The following OXGR1 variants were observed in gnomAD, a reference collection of about 807,000 sequenced individuals.
OXGR1 encodes oxoglutarate receptor 1.
A neutral mutation model predicts 10.0 loss-of-function variants in OXGR1; 10 were observed. The observed-to-expected ratio is 1.00, with a 90% CI of 0.62 to 1.70. OXGR1 has a LOEUF of 1.70. Among genes scored for constraint, OXGR1 ranks in the 40% most tolerant of loss-of-function variants. The pLI is 0.00. For missense variants in OXGR1, 398 were observed against 407.6 expected, an observed-to-expected ratio of 0.98 and a Z score of 0.20; for synonymous variants, 191 against 155.9, an observed-to-expected ratio of 1.22 and a Z score of -1.68.
At chr13:96,987,943 C>T (rs1039310449) in intron 3 of OXGR1, 110 bp from the exon 4 acceptor site, 3 of 673,748 alleles carry the variant, frequency 4.5e-6, no homozygotes, top group Non-Finnish European at 6.8e-6. Context: ...TCTCTTTAAT[C>T]TCAAAAGAGA....
At chr13:96,994,047 T>C (rs1321543123) in intron 1 of OXGR1, among the ~76,000 whole-genome samples, 1 of 152,164 alleles carries the variant, frequency 6.6e-6, no homozygotes, top group Non-Finnish European at 1.5e-5. Context: ...AAGTCAAATG[T>C]CTTCTCGCCC....
rs145902383 is a variant in OXGR1, at chr13:96,990,902, T to C, written c.-126-1093A>G. 9.7e-3 allele frequency among the ~76,000 whole-genome samples: 1,316 copies of C among 136,104 alleles called. 7 individuals carry two copies. The highest frequency in any genetic ancestry group is 0.05 in the Middle Eastern group (11 of 218). 89.3% of individuals were successfully genotyped at this position (136,104 alleles called of 152,430 possible). A position where few individuals can be genotyped will look rare whatever the true frequency, so the allele number is the denominator to read the frequency against. On this transcript the variant is annotated intron_variant, in intron 2 of 3. Transcript: ENST00000541038. ...AGGTGTAGGCTGCAGTAAGCCGAGA[T>C]TGAGCCACTGTACTACAGCCTGAGT...
chr13:96,988,420 C>A (rs966965187), intron 3 of OXGR1, among the ~76,000 whole-genome samples: 1 of 152,112 alleles, frequency 6.6e-6, no homozygotes. Flanking sequence ...GTCATGATTG[C>A]CGTAAATAAC....
chr13:96,993,146 C>A (rs1158661581), intron 1 of OXGR1, among the ~76,000 whole-genome samples: 1 of 152,162 alleles, frequency 6.6e-6, no homozygotes. Context: ...AATCTTTCTC[C>A]CCAACCCTTC....
rs1260719827 is a variant in OXGR1, at chr13:96,987,318, G to T, written c.442C>A (p.Arg148=). 1 of 1,614,194 alleles carries T rather than the reference G, an allele frequency of 6.2e-7. No homozygotes were observed. The highest frequency in any genetic ancestry group is 8.5e-7 in the Non-Finnish European group (1 of 1,180,044). Residue 148 remains arginine, a synonymous_variant, in exon 4 of 4, where the codon CGA becomes AGA. Transcript: ENST00000541038. ...PMSCFSIHKT[R]CAVVACAVVW... ...ACAGCACAGGCTACAACTGCACATC[G>T]AGTTTTGTGAATGGAAAAGCAGCTC...
Position 96,986,140 on chromosome 13 carries a change from A to G in OXGR1, c.*606T>C, listed in dbSNP as rs1881724527. On this transcript the variant is annotated 3_prime_UTR_variant, in exon 4 of 4. Coordinates refer to ENST00000541038, the MANE Select transcript of OXGR1 (RefSeq NM_001346194.2). Reference sequence around the variant, plus strand: ...TATATTGCAGGTACTAATTTCAACTATTTGCATGGACGTCCTTGGATTATT... The same window carrying G: ...TATATTGCAGGTACTAATTTCAACTGTTTGCATGGACGTCCTTGGATTATT... 6.6e-6 allele frequency: 1 copy of G among 152,250 alleles called. No individual in the cohort carries two copies. Among genetic ancestry groups the G allele is most frequent in the Non-Finnish European group, 1.5e-5 (1 of 68,068 alleles). 9.4% of individuals were successfully genotyped at this position (152,250 alleles called of 1,614,324 possible).
At position 96,989,811 on chromosome 13, in the gene OXGR1, T is replaced by G. The variant is rs1335041922; in HGVS notation, c.-126-2A>C. ...TTGTTGATTTTCATCAGGATTACCC[T>G]AAATAATAGAGGGAAAAACAAGTGT... is the stretch of plus-strand genomic sequence containing the variant. On this transcript the variant is annotated splice_acceptor_variant, in intron 2 of 3. Transcript: ENST00000541038. LOFTEE classifies it low-confidence loss of function (5UTR_SPLICE). 2 of 152,100 alleles carry G rather than the reference T, an allele frequency of 1.3e-5. No homozygotes were observed. Among genetic ancestry groups the G allele is most frequent in the African/African-American group, 4.8e-5 (2 of 41,400 alleles). 9.4% of individuals were successfully genotyped at this position (152,100 alleles called of 1,614,324 possible). A position where few individuals can be genotyped will look rare whatever the true frequency, so the allele number is the denominator to read the frequency against.
At chr13:96,989,366 A>G (rs1881939829) in intron 3 of OXGR1, among the ~76,000 whole-genome samples, 2 of 152,334 alleles carry the variant, frequency 1.3e-5, no homozygotes, top group South Asian at 2.1e-4. Flanking sequence ...ACTCTTCCAA[A>G]TCTCACTTAG....
intron 3 of OXGR1, among the ~76,000 whole-genome samples, 165 bp from the exon 4 acceptor site, chr13:96,987,998 C>T (rs1221560679): frequency 6.6e-6 from 1 of 152,022 alleles, no homozygotes; most frequent in Non-Finnish European, 1.5e-5. Context: ...GACTATGAGG[C>T]AAGTTACTAA....
chr13:96,994,179 G>T (rs1045091361), intron 1 of OXGR1, 119 bp downstream of exon 1: 1 of 152,364 alleles, frequency 6.6e-6, no homozygotes, highest in Non-Finnish European at 1.5e-5. Context: ...AGGGACGTGC[G>T]GGGGTGCTCT....
Position 96,987,241 on chromosome 13 carries a change from T to A in OXGR1, c.519A>T (p.Thr173=). The change falls in exon 4 of 4, where the codon ACA becomes ACT. Residue 173 remains threonine (T), a synonymous_variant. Transcript: ENST00000541038. ...CTGATCTGTTGGTCCTGTTGGTTGA[T>A]GTGATCAAGAAGGTCATCGGAATGA... ...VAVIPMTFLI[T]STNRTNRSAC... is the part of the protein sequence containing the mutation. The A allele has an allele frequency of 6.2e-7, 1 of 1,613,864 alleles. No individual in the cohort carries two copies. Among genetic ancestry groups the A allele is most frequent in the Non-Finnish European group, 8.5e-7 (1 of 1,179,716 alleles).
chr13:96,988,092 GA>G (rs1881875412), intron 3 of OXGR1, among the ~76,000 whole-genome samples: 1 of 152,192 alleles, frequency 6.6e-6, no homozygotes, highest in Non-Finnish European at 1.5e-5. Flanking sequence ...TGTCGCTTTG[GA>G]AAACAATTTG....
chr13:96,987,663 T>C lies in OXGR1; in HGVS notation c.97A>G (p.Met33Val). 1 of 1,614,144 alleles carries C rather than the reference T, an allele frequency of 6.2e-7. No individual in the cohort carries two copies. Among genetic ancestry groups the C allele is most frequent in the South Asian group, 1.1e-5 (1 of 91,064 alleles). The change falls in exon 4 of 4, where the codon ATG becomes GTG. Residue 33 changes from methionine to valine, a missense_variant. Met to Val is a conservative substitution (Grantham distance 21, BLOSUM62 1). Transcript: ENST00000541038. The stretch of plus-strand genomic sequence containing the variant: ...CCATAAATAACAGGGAGGTAGTGCA[T>C]CTTGAGTGGGATGTTTTCATCAGTG... ...NCTDENIPLK[M>V]HYLPVIYGII...
At position 96,987,807 on chromosome 13, in the gene OXGR1, A is replaced by C; in HGVS notation, c.-48T>G. On this transcript the variant is annotated 5_prime_UTR_variant, in exon 4 of 4. It adds an upstream start codon to the 5' untranslated region. Transcript: ENST00000541038. ...AGAAAACAAGAGAGTTCAGTTTGGC[A>C]ATATGAATCAAATGAGCAGTAACTC... is the stretch of plus-strand genomic sequence containing the variant. 2.0e-6 allele frequency: 3 copies of C among 1,516,364 alleles called. No homozygotes were observed. The highest frequency in any genetic ancestry group is 2.3e-5 in the East Asian group (1 of 43,906). The allele number at this position is 1,516,364 out of a possible 1,614,324, so 93.9% of individuals were successfully genotyped here. A position where few individuals can be genotyped will look rare whatever the true frequency, so the allele number is the denominator to read the frequency against.
chr13:96,987,689 C>A lies in OXGR1; in HGVS notation c.71G>T (p.Cys24Phe), dbSNP rs1170065289. 1 of 1,613,470 alleles carries A rather than the reference C, an allele frequency of 6.2e-7. No individual in the cohort carries two copies. The highest frequency in any genetic ancestry group is 8.5e-7 in the Non-Finnish European group (1 of 1,179,774). ...FPDYAAAFGN[C>F]TDENIPLKMH... ...CTTGAGTGGGATGTTTTCATCAGTG[C>A]AATTTCCAAAAGCAGCTGCATAATC... Residue 24 changes from cysteine (C) to phenylalanine (F), a missense_variant, in exon 4 of 4, where the codon TGC becomes TTC. Physicochemically the swap from Cys to Phe is radical, Grantham distance 205. Coordinates refer to ENST00000541038, the MANE Select transcript of OXGR1 (RefSeq NM_001346194.2).
rs1184999393 is a variant in OXGR1, at chr13:96,986,066, T to C, written c.*680A>G. On this transcript the variant is annotated 3_prime_UTR_variant, in exon 4 of 4. Transcript: ENST00000541038. ...GATGAATACAATTTGATAATTTTCA[T>C]ACATTCAATAAAAACTTTTTAACAA... is the stretch of plus-strand genomic sequence containing the variant. The C allele has an allele frequency of 2.0e-5, 3 of 152,242 alleles. No individual in the cohort carries two copies. The highest frequency in any genetic ancestry group is 4.4e-5 in the Non-Finnish European group (3 of 68,044). 9.4% of individuals were successfully genotyped at this position (152,242 alleles called of 1,614,324 possible).
Position 96,987,286 on chromosome 13 carries a change from C to A in OXGR1, c.474G>T (p.Trp158Cys). ...RCAVVACAVV[W>C]IISLVAVIPM... ...GAATGACAGCTACCAGTGAAATGAT[C>A]CACACCACAGCACAGGCTACAACTG... The change falls in exon 4 of 4, where the codon TGG (tryptophan) becomes TGT (cysteine). Residue 158 changes from tryptophan (W) to cysteine (C), a missense_variant. By Grantham distance (215) the Trp-to-Cys change is radical. Coordinates refer to ENST00000541038, the MANE Select transcript of OXGR1 (RefSeq NM_001346194.2). 1.2e-6 allele frequency: 2 copies of A among 1,614,180 alleles called. No homozygotes were observed. Among genetic ancestry groups the A allele is most frequent in the Non-Finnish European group, 1.7e-6 (2 of 1,180,028 alleles).
Position 96,989,804 on chromosome 13 carries a change from A to G in OXGR1, c.-121T>C, listed in dbSNP as rs1366869582. 1 of 152,138 alleles carries G rather than the reference A, an allele frequency of 6.6e-6. No homozygotes were observed. The highest frequency in any genetic ancestry group is 1.5e-5 in the Non-Finnish European group (1 of 68,014). The allele number at this position is 152,138 out of a possible 1,614,324, so 9.4% of individuals were successfully genotyped here. A position where few individuals can be genotyped will look rare whatever the true frequency, so the allele number is the denominator to read the frequency against. ...GTGTATTTTGTTGATTTTCATCAGG[A>G]TTACCCTAAATAATAGAGGGAAAAA... On this transcript the variant is annotated 5_prime_UTR_variant, in exon 3 of 4. Coordinates refer to ENST00000541038, the MANE Select transcript of OXGR1 (RefSeq NM_001346194.2).
Position 96,987,222 on chromosome 13 carries a change from T to C in OXGR1, c.538A>G (p.Arg180Gly), listed in dbSNP as rs200424554. Reference sequence around the variant, plus strand: ...CTGGTGAGGTCGAGACAGGCTGATCTGTTGGTCCTGTTGGTTGATGTGATC... The same window carrying C: ...CTGGTGAGGTCGAGACAGGCTGATCCGTTGGTCCTGTTGGTTGATGTGATC... Reference protein sequence around the residue: ...FLITSTNRTNRSACLDLTSSD... With the variant: ...FLITSTNRTNGSACLDLTSSD... The change falls in exon 4 of 4, where the codon AGA becomes GGA. Residue 180 changes from arginine (R) to glycine (G), a missense_variant. Physicochemically the swap from Arg to Gly is moderately radical, Grantham distance 125. Coordinates refer to ENST00000541038, the MANE Select transcript of OXGR1 (RefSeq NM_001346194.2). 1 of 1,614,224 alleles carries C rather than the reference T, an allele frequency of 6.2e-7. No individual in the cohort carries two copies. Among genetic ancestry groups the C allele is most frequent in the East Asian group, 2.2e-5 (1 of 44,874 alleles).
Sources: gnomAD v4.1 joint callset for allele counts (sites outside exome capture counted in the v4.1 genomes callset) on GRCh38, gnomAD v4.1.1 for gene constraint, MANE v1.5 for transcripts, NCBI Gene and HGNC (gene_info 2026-07-23, HGNC 2026-07-21) for gene names.